EPS15L1: variants seen among roughly 807,000 people sequenced by gnomAD.
EPS15L1 encodes the protein epidermal growth factor receptor substrate 15-like 1.
A neutral mutation model predicts 117.1 loss-of-function variants in EPS15L1; 43 were observed. That is an observed-to-expected ratio of 0.37 (90% CI 0.29 to 0.47). The LOEUF (loss-of-function observed/expected upper bound fraction) is 0.47, where lower values mean the gene tolerates loss of function less well. Ranked by LOEUF, EPS15L1 falls within the 20% of genes least tolerant of loss-of-function variation. The pLI is 0.99. For missense variants in EPS15L1, 981 were observed against 1,164.0 expected (o/e 0.84, Z 2.29); for synonymous variants, 459 against 470.5 (o/e 0.98, Z 0.32).
At position 16,404,728 on chromosome 19, in the gene EPS15L1, G is replaced by A. The variant is rs1297220753; in HGVS notation, c.1288C>T (p.Arg430Trp). Residue 430 changes from arginine (R) to tryptophan (W), a missense_variant, in exon 14 of 24, where the codon CGG (arginine) becomes TGG (tryptophan). Physicochemically the swap from Arg to Trp is moderately radical, Grantham distance 101. Around this residue, in one of 5 missense-constraint regions of EPS15L1, gnomAD observed 819 missense variants for 949.0 expected, o/e 0.86. Transcript: ENST00000455140. This position sits in a 1 kb window ranked among gnomAD's most constrained non-coding sequence, Gnocchi z 4.2. Reference sequence around the variant, plus strand: ...AGCTCCTGCAAACTGCTTGTTTCCCGGTCTAGGTCATTTTGTAATTCCTAG... The same window carrying A: ...AGCTCCTGCAAACTGCTTGTTTCCCAGTCTAGGTCATTTTGTAATTCCTAG... The part of the protein sequence containing the change: ...EVQELQNDLD[R>W]ETSSLQELEA... 1.9e-6 allele frequency: 3 copies of A among 1,614,012 alleles called. No individual in the cohort carries two copies. Among genetic ancestry groups the A allele is most frequent in the African/African-American group, 1.3e-5 (1 of 74,928 alleles).
In EPS15L1 at chr19:16,417,592, C is replaced by T. The variant is rs772587235; in HGVS notation, c.1153G>A (p.Glu385Lys). 2 of 1,614,066 alleles carry T rather than the reference C, an allele frequency of 1.2e-6. No individual in the cohort carries two copies. Among genetic ancestry groups the T allele is most frequent in the Non-Finnish European group, 1.7e-6 (2 of 1,180,026 alleles). Residue 385 changes from glutamate (E) to lysine (K), a missense_variant, in exon 12 of 24, where the codon GAG becomes AAG. Glu to Lys is a moderately conservative substitution (Grantham distance 56). Around this residue, in one of 5 missense-constraint regions of EPS15L1, gnomAD observed 819 missense variants for 949.0 expected, o/e 0.86. Transcript: ENST00000455140. The part of the protein sequence containing the change: ...LGSGEFTGVK[E>K]LDDISQEIAQ... ...ATCTCTTGACTGATGTCATCAAGCT[C>T]CTTCACGCCAGTAAACTCCCCGGAG... is the stretch of plus-strand genomic sequence containing the variant.
chr19:16,469,394 G>C (rs2093329386), intron 1 of EPS15L1, among the ~76,000 whole-genome samples: 1 of 152,076 alleles, frequency 6.6e-6, no homozygotes, highest in Admixed American at 6.6e-5. Context: ...AGGACGGAGG[G>C]GCCACCGGTA....
intron 17 of EPS15L1, among the ~76,000 whole-genome samples, chr19:16,394,654 TAA>T (rs1309685289): frequency 6.6e-6 from 1 of 152,234 alleles, no homozygotes; most frequent in African/African-American, 2.4e-5. Flanking sequence ...GACAGACTCC[TAA>T]AATTATCCAG....
At chr19:16,430,624 C>T (rs561623611) in intron 7 of EPS15L1, among the ~76,000 whole-genome samples, 6 of 152,228 alleles carry the variant, frequency 3.9e-5, no homozygotes, top group South Asian at 2.1e-4. Context: ...ACTTCTTTGA[C>T]GGTATCTAAT....
chr19:16,470,853 T>C (rs538614729), intron 1 of EPS15L1, among the ~76,000 whole-genome samples: 1 of 152,324 alleles, frequency 6.6e-6, no homozygotes, highest in Non-Finnish European at 1.5e-5. Flanking sequence ...GTGCCTCTCA[T>C]ATGCTAGGCA....
At chr19:16,420,775 C>T (rs2092805852) in intron 10 of EPS15L1, among the ~76,000 whole-genome samples, 1 of 152,238 alleles carries the variant, frequency 6.6e-6, no homozygotes, top group South Asian at 2.1e-4. Flanking sequence ...CCTATGAAGT[C>T]GGCTGTGTCC....
chr19:16,441,300 G>A (rs752920405), intron 3 of EPS15L1: 23 of 221,566 alleles, frequency 1.0e-4, no homozygotes, highest in Non-Finnish European at 1.4e-4. Flanking sequence ...GTGAAACCCC[G>A]TCCCTACTAA....
Position 16,437,854 on chromosome 19 carries a change from A to T in EPS15L1, c.225T>A (p.Val75=). The T allele has an allele frequency of 6.2e-7, 1 of 1,613,836 alleles. No individual in the cohort carries two copies. Among genetic ancestry groups the T allele is most frequent in the Non-Finnish European group, 8.5e-7 (1 of 1,179,756 alleles). ...KGFLDKQGFY[V]ALRLVACAQS... ...GTGCACAGGCCACCAGTCTCAGTGC[A>T]ACATAGAAACCCTGCAAGTCCAAAG... The change falls in exon 5 of 24, where the codon GTT becomes GTA. Residue 75 remains valine (V), a synonymous_variant. Coordinates refer to ENST00000455140, the MANE Select transcript of EPS15L1 (RefSeq NM_001258374.3).
At chr19:16,437,053 T>C (rs749189521) in intron 5 of EPS15L1, 54 bp from the exon 6 acceptor site, 2 of 1,513,926 alleles carry the variant, frequency 1.3e-6, no homozygotes, top group South Asian at 2.3e-5. Flanking sequence ...AAATCATAGG[T>C]GGGTGGGTTT....
intron 1 of EPS15L1, among the ~76,000 whole-genome samples, chr19:16,446,786 A>AT (rs1392949696): frequency 2.0e-5 from 3 of 152,206 alleles, no homozygotes; most frequent in Non-Finnish European, 4.4e-5. Flanking sequence ...GGAGCATTTT[A>AT]TTAAACAGAA....
chr19:16,446,574 A>T lies in EPS15L1; in HGVS notation c.34-4355T>A, dbSNP rs543327743. Among the ~76,000 whole-genome samples, 7 of 152,318 alleles carry T rather than the reference A, an allele frequency of 4.6e-5. No individual in the cohort carries two copies. The South Asian group carries it at 1.2e-3, about 27-fold the overall frequency. ...ACTAGTCCAGTTGACAGGTGGGGAA[A>T]CTGAGTTTGCCCTACTCAGGACCAC... On this transcript the variant is annotated intron_variant, in intron 1 of 23. Coordinates refer to ENST00000455140, the MANE Select transcript of EPS15L1 (RefSeq NM_001258374.3).
chr19:16,392,559 T>A, intron 18 of EPS15L1, 119 bp from the exon 19 acceptor site: 2 of 1,025,960 alleles, frequency 1.9e-6, no homozygotes, highest in Non-Finnish European at 2.8e-6. Context: ...AGAACGCTAG[T>A]GACGGAAAAC....
chr19:16,410,561 G>C (rs755647029), intron 13 of EPS15L1, among the ~76,000 whole-genome samples: 1 of 152,156 alleles, frequency 6.6e-6, no homozygotes, highest in Non-Finnish European at 1.5e-5. Context: ...AATGTTCCTA[G>C]CAACAATATT....
In EPS15L1 at chr19:16,375,992, A is replaced by G. The variant is rs1258587364; in HGVS notation, c.2380+1130T>C. ...ATGCGGAGCCTGCTAGGTCCATTCC[A>G]GGACCTGCGATGACACAGGGGCTGC... On this transcript the variant is annotated intron_variant, in intron 22 of 23. Transcript: ENST00000455140. Among the ~76,000 whole-genome samples the G allele has an allele frequency of 2.0e-5, 3 of 152,232 alleles. No individual in the cohort carries two copies. In the East Asian group the frequency reaches 5.8e-4, roughly 29 times the overall value.
intron 22 of EPS15L1, among the ~76,000 whole-genome samples, chr19:16,373,573 C>T (rs1013309483): frequency 2.6e-5 from 4 of 152,046 alleles, no homozygotes; most frequent in East Asian, 1.9e-4. Context: ...GTCTTCCTGG[C>T]GAACTTTCTG....
intron 16 of EPS15L1, chr19:16,401,307 T>C: frequency 1.0e-6 from 1 of 985,248 alleles, no homozygotes; most frequent in Non-Finnish European, 1.2e-6. Flanking sequence ...ACTGAGGACT[T>C]GGCTGCTGAG....
chr19:16,440,704 C>A, intron 4 of EPS15L1, 158 bp downstream of exon 4: 1 of 589,542 alleles, frequency 1.7e-6, no homozygotes, highest in Admixed American at 2.6e-5. Flanking sequence ...TTTAAAAGAC[C>A]TTTATTTCAA....
At chr19:16,429,832 C>T (rs1276840435) in intron 7 of EPS15L1, among the ~76,000 whole-genome samples, 2 of 152,244 alleles carry the variant, frequency 1.3e-5, no homozygotes, top group African/African-American at 2.4e-5. Context: ...TCTGGCTCCA[C>T]AGTCCTCCCT....
At chr19:16,360,349 ACCATTTTG>A (rs2092035160) in intron 23 of EPS15L1, among the ~76,000 whole-genome samples, 1 of 152,122 alleles carries the variant, frequency 6.6e-6, no homozygotes, top group Non-Finnish European at 1.5e-5. Context: ...TAACAATGTC[ACCATTTTG>A]TATAGACCCC....
Sources: gnomAD v4.1 joint callset for allele counts (sites outside exome capture counted in the v4.1 genomes callset) on GRCh38, gnomAD v4.1.1 for gene constraint, gnomAD v4.1.1 regional missense constraint, Gnocchi (gnomAD v3.1) non-coding constraint, MANE v1.5 for transcripts, NCBI Gene and HGNC (gene_info 2026-07-23, HGNC 2026-07-21) for gene names.